HDAC9: variants seen among roughly 807,000 people sequenced by gnomAD.
HDAC9 encodes MEF-2 interacting transcription repressor (MITR) protein.
HDAC9 carries 41 observed loss-of-function variants against 139.4 expected under a neutral mutation model. The observed-to-expected ratio is 0.29, with a 90% confidence interval of 0.23 to 0.38. The LOEUF is 0.38. HDAC9 is among the 10% of genes least tolerant of loss of function. The pLI is 1.00. For missense variants in HDAC9, 1,147 were observed against 1,297.0 expected (o/e 0.88, Z 1.78); for synonymous variants, 517 against 476.2 (o/e 1.09, Z -1.12).
intron 22 of HDAC9, among the ~76,000 whole-genome samples, chr7:18,894,636 G>A (rs577899970): frequency 3.9e-5 from 6 of 152,044 alleles, no homozygotes; most frequent in East Asian, 3.9e-4. Flanking sequence ...TTATTCTAAC[G>A]GGGAAGAGAT....
chr7:18,234,494 G>A (rs1026833473), intron 2 of HDAC9, among the ~76,000 whole-genome samples: 1 of 152,084 alleles, frequency 6.6e-6, no homozygotes, highest in African/African-American at 2.4e-5. Context: ...TTAATAAAAA[G>A]CAGCTAACCT....
At chr7:18,812,310 G>T (rs1794235773) in intron 17 of HDAC9, among the ~76,000 whole-genome samples, 1 of 151,654 alleles carries the variant, frequency 6.6e-6, no homozygotes, top group Admixed American at 6.6e-5. Flanking sequence ...GTTTCCATTT[G>T]GTATCATTTC....
intron 1 of HDAC9, among the ~76,000 whole-genome samples, chr7:18,138,526 A>G (rs80185657): frequency 4.5e-5 from 4 of 89,664 alleles, no homozygotes; most frequent in Non-Finnish European, 6.8e-5. Flanking sequence ...AGAGAGAGAG[A>G]GGTGTGTGTG....
chr7:18,644,467 C>T (rs1403870532), intron 8 of HDAC9, among the ~76,000 whole-genome samples: 1 of 151,782 alleles, frequency 6.6e-6, no homozygotes, highest in Non-Finnish European at 1.5e-5. Context: ...AACATAGATG[C>T]CTTTTATTCA....
At chr7:18,551,866 A>G (rs192734465) in intron 2 of HDAC9, among the ~76,000 whole-genome samples, 7 of 152,308 alleles carry the variant, frequency 4.6e-5, no homozygotes, top group Admixed American at 3.3e-4. Flanking sequence ...AGCAGAAGGT[A>G]ACCACTACAC....
intron 14 of HDAC9, among the ~76,000 whole-genome samples, chr7:18,759,488 C>G (rs1386577286): frequency 1.3e-5 from 2 of 151,914 alleles, no homozygotes; most frequent in Admixed American, 6.6e-5. Flanking sequence ...TCTCCTATCA[C>G]CCCCAGAGGG....
At chr7:18,385,202 A>G (rs1030861481) in intron 1 of HDAC9, among the ~76,000 whole-genome samples, 5 of 152,162 alleles carry the variant, frequency 3.3e-5, no homozygotes, top group African/African-American at 9.7e-5. Flanking sequence ...AGGCAAAGTG[A>G]TGGAATCAAA....
At chr7:18,269,780 A>G (rs538846631) in intron 2 of HDAC9, among the ~76,000 whole-genome samples, 9 of 152,242 alleles carry the variant, frequency 5.9e-5, no homozygotes, top group Admixed American at 1.3e-4. Context: ...ACACACACAT[A>G]TATATGCATG....
chr7:18,918,428 T>C (rs1220250587), intron 22 of HDAC9, among the ~76,000 whole-genome samples: 1 of 152,014 alleles, frequency 6.6e-6, no homozygotes, highest in Non-Finnish European at 1.5e-5. Flanking sequence ...ATAAAACTGT[T>C]AATAACAGAG....
chr7:18,321,239 A>G (rs1027681151), intron 1 of HDAC9, among the ~76,000 whole-genome samples: 4 of 152,156 alleles, frequency 2.6e-5, no homozygotes, highest in Non-Finnish European at 4.4e-5. Flanking sequence ...CTTCCCTTAC[A>G]TATTATTCTC....
intron 24 of HDAC9, among the ~76,000 whole-genome samples, chr7:18,960,009 A>AACACACAC (rs58030908): frequency 0.12 from 17,483 of 148,848 alleles, 1,138 homozygotes; most frequent in African/African-American, 0.16. Flanking sequence ...TGTTGTTTTA[A>AACACACAC]ACACACACAC....
chr7:18,127,728 A>G (rs759801381), intron 1 of HDAC9, among the ~76,000 whole-genome samples: 4 of 152,164 alleles, frequency 2.6e-5, no homozygotes, highest in Non-Finnish European at 5.9e-5. Flanking sequence ...CTGTGCAAAG[A>G]AAAAGAAGAG....
At chr7:18,683,573 G>A (rs929507547) in intron 12 of HDAC9, among the ~76,000 whole-genome samples, 1 of 152,094 alleles carries the variant, frequency 6.6e-6, no homozygotes, top group African/African-American at 2.4e-5. Context: ...TATCCACTGG[G>A]TTACTTTGAG....
At chr7:18,746,896 T>A (rs1788021563) in intron 13 of HDAC9, among the ~76,000 whole-genome samples, 1 of 152,156 alleles carries the variant, frequency 6.6e-6, no homozygotes, top group African/African-American at 2.4e-5. Flanking sequence ...ATCCAGAGGA[T>A]GCTAAGAGAG....
chr7:18,272,176 A>AATTATAGT (rs1192793518), intron 2 of HDAC9, among the ~76,000 whole-genome samples: 2 of 152,148 alleles, frequency 1.3e-5, no homozygotes, highest in Non-Finnish European at 2.9e-5. Flanking sequence ...CTCTACCAGC[A>AATTATAGT]ATTATAGTAT....
intron 2 of HDAC9, among the ~76,000 whole-genome samples, chr7:18,250,129 G>A (rs572844408): frequency 6.6e-5 from 10 of 152,288 alleles, no homozygotes; most frequent in South Asian, 4.1e-4. Context: ...TATGATACTC[G>A]TATAAAGATG....
chr7:18,421,234 A>G (rs948607188), intron 1 of HDAC9, among the ~76,000 whole-genome samples: 1 of 152,206 alleles, frequency 6.6e-6, no homozygotes, highest in African/African-American at 2.4e-5. Flanking sequence ...AAAGTGAGTT[A>G]GTTTAAAAGT....
chr7:18,760,187 G>A (rs1789259545), intron 14 of HDAC9, among the ~76,000 whole-genome samples: 1 of 152,094 alleles, frequency 6.6e-6, no homozygotes, highest in Admixed American at 6.6e-5. Flanking sequence ...AGAATTGGTT[G>A]CCACATTCTG....
chr7:18,342,381 C>T (rs915683492), intron 1 of HDAC9, among the ~76,000 whole-genome samples: 2 of 151,854 alleles, frequency 1.3e-5, no homozygotes, highest in Non-Finnish European at 2.9e-5. Context: ...TTTCACATCT[C>T]ACAGGGATTA....
Sources: allele counts gnomAD v4.1 joint callset (sites outside exome capture counted in the v4.1 genomes callset), GRCh38; gene constraint gnomAD v4.1.1; transcripts MANE v1.5; gene names NCBI Gene and HGNC (gene_info 2026-07-23, HGNC 2026-07-21).